TMEM255A: variants seen among roughly 807,000 people sequenced by gnomAD.
The protein encoded by TMEM255A is family with sequence similarity 70, member A.
Under a neutral mutation model 23.5 loss-of-function variants are expected in TMEM255A, and 14 were observed. The ratio of observed to expected loss-of-function variants is 0.60; its 90% CI spans 0.39 to 0.93. TMEM255A has a LOEUF of 0.93. Among genes scored for constraint, TMEM255A ranks in the 40% least tolerant of loss-of-function variants. The pLI, the probability that TMEM255A is intolerant of heterozygous loss-of-function variation, is 0.00. For synonymous variants in TMEM255A, 104 were observed against 100.3 expected, an observed-to-expected ratio of 1.04 and a Z score of -0.22; for missense variants, 233 against 261.7, an observed-to-expected ratio of 0.89 and a Z score of 0.76.
intron 7 of TMEM255A, 51 bp downstream of exon 7, chrX:120,276,834 C>T (rs185734002): frequency 2.1e-5 from 25 of 1,163,263 alleles, no homozygotes; most frequent in Non-Finnish European, 2.4e-5. Context: ...TAGCCTTCCC[C>T]CTATGTCCAA....
At chrX:120,273,720 C>A (rs116616150) in intron 7 of TMEM255A, among the ~76,000 whole-genome samples, 3 of 111,964 alleles carry the variant, frequency 2.7e-5, no homozygotes, top group Admixed American at 1.9e-4. Context: ...CAACAAGATA[C>A]CACTTTGTGC....
intron 2 of TMEM255A, among the ~76,000 whole-genome samples, chrX:120,296,915 ATTATATATAATAT>A (rs1477568931): frequency 4.5e-4 from 1 of 2,215 alleles, no homozygotes; most frequent in Non-Finnish European, 6.9e-4. Flanking sequence ...TTATATATAT[ATTATATATAATAT>A]TATATATATA....
At chrX:120,307,431 G>A (rs1556027330) in intron 1 of TMEM255A, among the ~76,000 whole-genome samples, 1 of 111,994 alleles carries the variant, frequency 8.9e-6, no homozygotes, top group African/African-American at 3.2e-5. Context: ...GTTTAGTAAA[G>A]TGACACGTAA....
intron 6 of TMEM255A, among the ~76,000 whole-genome samples, chrX:120,278,395 A>G (rs1454159776): frequency 8.9e-6 from 1 of 112,325 alleles, no homozygotes; most frequent in African/African-American, 3.2e-5. Context: ...ATTTCTCTGT[A>G]GCATTCATTC....
chrX:120,254,741 T>A, downstream of TMEM255A: 1 of 1,211,449 alleles, frequency 8.3e-7, no homozygotes, highest in Non-Finnish European at 1.1e-6. Flanking sequence ...AAGATACTTA[T>A]GATATAGTGA....
chrX:120,271,270 G>A (rs146842289), intron 7 of TMEM255A, among the ~76,000 whole-genome samples: 2,104 of 112,010 alleles, frequency 0.019, 48 homozygotes, highest in African/African-American at 0.065. Context: ...AGGGGCAGCT[G>A]GGATGAAATA....
At chrX:120,265,324 T>C (rs1447595314) in intron 8 of TMEM255A, among the ~76,000 whole-genome samples, 2 of 112,097 alleles carry the variant, frequency 1.8e-5, no homozygotes, top group Admixed American at 1.9e-4. Context: ...CCTCAAGACT[T>C]AGGCTATACA....
downstream of TMEM255A, chrX:120,256,507 T>G (rs1362454780): frequency 2.5e-5 from 3 of 122,398 alleles, no homozygotes; most frequent in Admixed American, 9.6e-5. Context: ...ATTTGTTAGG[T>G]TTTTACCCCT....
chrX:120,287,308 TACAC>T lies in TMEM255A; in HGVS notation c.355-90_355-87del, dbSNP rs3842485. 3.5e-4 allele frequency: 163 copies of T among 463,144 alleles called. 1 individual carries two copies. The highest frequency in any genetic ancestry group is 3.5e-3 in the African/African-American group (128 of 36,797). The allele number at this position is 463,144 out of a possible 1,213,427, so 38.2% of individuals were successfully genotyped here. A position where few individuals can be genotyped will look rare whatever the true frequency, so the allele number is the denominator to read the frequency against. ...TGTACTTGGTAATAAAAGGTTTGAA[TACAC>T]ACACACACACACACACACACACACA... On this transcript the variant is annotated intron_variant, in intron 4 of 8. Coordinates refer to ENST00000371369, the MANE Select transcript of TMEM255A (RefSeq NM_001104544.3).
At chrX:120,294,863 A>T (rs1405071478) in intron 2 of TMEM255A, among the ~76,000 whole-genome samples, 3 of 111,986 alleles carry the variant, frequency 2.7e-5, no homozygotes, top group Admixed American at 9.5e-5. Context: ...ACACTAAAAA[A>T]TTTTTTTAAA....
downstream of TMEM255A, chrX:120,255,912 A>G (rs1193827354): frequency 8.0e-6 from 1 of 125,729 alleles, no homozygotes; most frequent in Non-Finnish European, 1.8e-5. Flanking sequence ...GGAAAATGTC[A>G]GAATAAGTCA....
intron 2 of TMEM255A, among the ~76,000 whole-genome samples, chrX:120,300,458 G>A (rs2058025847): frequency 9.1e-6 from 1 of 109,863 alleles, no homozygotes; most frequent in Non-Finnish European, 1.9e-5. Flanking sequence ...CGCGATCTCA[G>A]CTCACTGCAA....
Position 120,263,737 on chromosome X carries a change from G to GA in TMEM255A, c.820-2710dup, listed in dbSNP as rs782244509. 1.9e-3 allele frequency among the ~76,000 whole-genome samples: 170 copies of GA among 90,679 alleles called. 2 individuals are homozygous for GA. The East Asian group carries it at 0.042, about 22-fold the overall frequency. 78.7% of individuals were successfully genotyped at this position (90,679 alleles called of 115,157 possible). On this transcript the variant is annotated intron_variant, in intron 8 of 8. Coordinates refer to ENST00000371369, the MANE Select transcript of TMEM255A (RefSeq NM_001104544.3). ...AGAGAAGAGTGGGTAAAAGAAAGAG[G>GA]AAAAAAAAAAGGATGAGTCAGGAAC...
Position 120,304,451 on chromosome X carries a change from G to A in TMEM255A, c.99C>T (p.Thr33=), listed in dbSNP as rs1556026617. ...ACACGGACACAATAAGCAAAGTCAC[G>A]GTGACATAGATGGAGTTTCGTTTCC... ...NRRKRNSIYV[T]VTLLIVSVLI... Residue 33 remains threonine, a synonymous_variant, in exon 2 of 9, where the codon ACC becomes ACT. Transcript: ENST00000371369. 5.8e-6 allele frequency: 7 copies of A among 1,208,114 alleles called. No homozygotes were observed. Among genetic ancestry groups the A allele is most frequent in the Admixed American group, 4.4e-5 (2 of 45,625 alleles).
At position 120,311,150 on chromosome X, in the gene TMEM255A, T is replaced by G. The variant is rs371431003; in HGVS notation, c.58+102A>C. The G allele has an allele frequency of 3.8e-4, 297 of 789,772 alleles. 1 individual carries two copies. In the South Asian group the frequency reaches 6.6e-3, roughly 18 times the overall value. The allele number at this position is 789,772 out of a possible 1,213,427, so 65.1% of individuals were successfully genotyped here. On this transcript the variant is annotated intron_variant, in intron 1 of 8. Coordinates refer to ENST00000371369, the MANE Select transcript of TMEM255A (RefSeq NM_001104544.3). ...AAGACCACCCCATCCATGCCCCGTT[T>G]CCCGCTCTCCGGCTTTTGGGGCAGC...
chrX:120,294,932 T>C (rs2057944666), intron 2 of TMEM255A, among the ~76,000 whole-genome samples: 1 of 112,008 alleles, frequency 8.9e-6, no homozygotes, highest in Non-Finnish European at 1.9e-5. Flanking sequence ...ATGTTAGCAC[T>C]TATTCACCCC....
chrX:120,277,127 G>T, intron 6 of TMEM255A, 80 bp from the exon 7 acceptor site: 1 of 913,020 alleles, frequency 1.1e-6, no homozygotes, highest in Non-Finnish European at 1.5e-6. Flanking sequence ...CTCTGGGATT[G>T]GGCTACCATA....
chrX:120,282,835 T>C (rs925847748), intron 6 of TMEM255A, among the ~76,000 whole-genome samples: 1 of 111,863 alleles, frequency 8.9e-6, no homozygotes, highest in Non-Finnish European at 1.9e-5. Flanking sequence ...CAAACCTTTT[T>C]CAGAAACACA....
At position 120,259,283 on chromosome X, in the gene TMEM255A, CAT is replaced by C. The variant is rs1453698995; in HGVS notation, c.*1585_*1586del. On this transcript the variant is annotated 3_prime_UTR_variant, in exon 9 of 9. Transcript: ENST00000371369. ...AAAAAATCATAGTAATTTTGTATAA[CAT>C]AAAAGGATTATAGTTTTTCGGATTC... The C allele has an allele frequency of 2.7e-5, 3 of 112,796 alleles. No individual in the cohort carries two copies. Among genetic ancestry groups the C allele is most frequent in the Middle Eastern group, 4.6e-3 (1 of 219 alleles). The allele number at this position is 112,796 out of a possible 1,213,427, so 9.3% of individuals were successfully genotyped here.
Sources: gnomAD v4.1 joint callset for allele counts (sites outside exome capture counted in the v4.1 genomes callset) on GRCh38, gnomAD v4.1.1 for gene constraint, MANE v1.5 for transcripts, NCBI Gene and HGNC (gene_info 2026-07-23, HGNC 2026-07-21) for gene names.